EYA4: variants seen among roughly 807,000 people sequenced by gnomAD.
The protein encoded by EYA4 is EYA transcriptional coactivator and phosphatase 4, also known as protein phosphatase EYA4.
EYA4 carries 31 observed loss-of-function variants against 87.9 expected under a neutral mutation model. The observed-to-expected ratio is 0.35, with a 90% CI of 0.27 to 0.48. The LOEUF (loss-of-function observed/expected upper bound fraction) is 0.48, where lower values mean the gene tolerates loss of function less well. Among genes scored for constraint, EYA4 ranks in the 20% least tolerant of loss-of-function variants. The pLI is 0.99. For missense variants in EYA4, 678 were observed against 761.4 expected (o/e 0.89, Z 1.29); for synonymous variants, 263 against 270.6 (o/e 0.97, Z 0.28).
At chr6:133,281,952 A>AT (rs550586062) in intron 2 of EYA4, among the ~76,000 whole-genome samples, 14 of 151,414 alleles carry the variant, frequency 9.2e-5, no homozygotes, top group South Asian at 2.1e-4. Context: ...AGATGATTTC[A>AT]TTTTTTTTAT....
chr6:133,307,232 T>C (rs1391716450), intron 2 of EYA4, among the ~76,000 whole-genome samples: 1 of 152,216 alleles, frequency 6.6e-6, no homozygotes. Context: ...CCCTGAGGTT[T>C]TGAGTGTTTT....
At chr6:133,280,888 C>T (rs911371008) in intron 2 of EYA4, among the ~76,000 whole-genome samples, 1 of 152,172 alleles carries the variant, frequency 6.6e-6, no homozygotes, top group African/African-American at 2.4e-5. Context: ...GAGCACCCCT[C>T]AGCCCTAGAC....
At chr6:133,358,628 G>A (rs573354875) in intron 2 of EYA4, among the ~76,000 whole-genome samples, 1 of 152,142 alleles carries the variant, frequency 6.6e-6, no homozygotes, top group Admixed American at 6.5e-5. Flanking sequence ...AAAATGCACG[G>A]GTATTATTGC....
chr6:133,411,372 A>G (rs1789219071), intron 3 of EYA4, among the ~76,000 whole-genome samples: 1 of 152,194 alleles, frequency 6.6e-6, no homozygotes, highest in Admixed American at 6.5e-5. Flanking sequence ...TGAGAAAAGC[A>G]CATCAAAGGG....
chr6:133,433,296 A>G lies in EYA4; in HGVS notation c.84-13334A>G, dbSNP rs1373771162. On this transcript the variant is annotated intron_variant, in intron 3 of 19. Coordinates refer to ENST00000355286, the MANE Select transcript of EYA4 (RefSeq NM_004100.5). Reference sequence around the variant, plus strand: ...CATAGTCTTTTGTGACAGCAGTACCAGAAAGGAAGAGCAAAGACATGCATT... The same window carrying G: ...CATAGTCTTTTGTGACAGCAGTACCGGAAAGGAAGAGCAAAGACATGCATT... 3.9e-5 allele frequency among the ~76,000 whole-genome samples: 6 copies of G among 152,356 alleles called. No individual in the cohort carries two copies. In the South Asian group the frequency reaches 1.0e-3, roughly 26 times the overall value.
intron 1 of EYA4, among the ~76,000 whole-genome samples, chr6:133,258,781 A>C (rs1196530094): frequency 6.6e-6 from 1 of 152,084 alleles, no homozygotes; most frequent in Non-Finnish European, 1.5e-5. Flanking sequence ...GAACTTGTAG[A>C]TTCTACAAAG....
At chr6:133,406,311 C>T (rs971070083) in intron 3 of EYA4, among the ~76,000 whole-genome samples, 1 of 152,150 alleles carries the variant, frequency 6.6e-6, no homozygotes, top group African/African-American at 2.4e-5. Context: ...GAAATGACTA[C>T]TCATTGGCCA....
intron 2 of EYA4, among the ~76,000 whole-genome samples, chr6:133,317,850 C>T (rs1780745917): frequency 6.6e-6 from 1 of 151,602 alleles, no homozygotes; most frequent in African/African-American, 2.4e-5. Context: ...CCCATCCTCC[C>T]ATGCCCGCAT....
At chr6:133,409,744 A>C (rs1055635402) in intron 3 of EYA4, among the ~76,000 whole-genome samples, 1 of 152,208 alleles carries the variant, frequency 6.6e-6, no homozygotes, top group Non-Finnish European at 1.5e-5. Context: ...TGTACGATGA[A>C]TAACTCTAGA....
At chr6:133,260,164 GT>G (rs1775681079) in intron 1 of EYA4, among the ~76,000 whole-genome samples, 1 of 151,800 alleles carries the variant, frequency 6.6e-6, no homozygotes, top group African/African-American at 2.4e-5. Flanking sequence ...TTGCTCTGTA[GT>G]TTCACATTCT....
chr6:133,485,560 A>G (rs1000694068), intron 13 of EYA4, among the ~76,000 whole-genome samples: 1 of 152,258 alleles, frequency 6.6e-6, no homozygotes, highest in African/African-American at 2.4e-5. Context: ...TCTTTCTGCC[A>G]TAGCACATCG....
At chr6:133,366,694 A>G (rs888282595) in intron 2 of EYA4, among the ~76,000 whole-genome samples, 2 of 150,960 alleles carry the variant, frequency 1.3e-5, no homozygotes, top group Admixed American at 1.3e-4. Context: ...TGATTTGTTA[A>G]GTGTTTAACT....
At chr6:133,396,296 A>T (rs1179543103) in intron 3 of EYA4, among the ~76,000 whole-genome samples, 6 of 152,198 alleles carry the variant, frequency 3.9e-5, no homozygotes, top group Admixed American at 3.9e-4. Context: ...GTAATCCTAT[A>T]CTATTTATCT....
chr6:133,456,791 C>G (rs865962561), intron 6 of EYA4, 143 bp downstream of exon 6: 1 of 637,272 alleles, frequency 1.6e-6, no homozygotes, highest in Middle Eastern at 2.6e-4. Context: ...TTTTTGAGAA[C>G]TCATAGTCAT....
At chr6:133,299,924 T>G (rs933694139) in intron 2 of EYA4, among the ~76,000 whole-genome samples, 2 of 100,896 alleles carry the variant, frequency 2.0e-5, no homozygotes, top group Non-Finnish European at 3.8e-5. Context: ...TATATAAAGA[T>G]CTCTATCTAT....
intron 2 of EYA4, among the ~76,000 whole-genome samples, chr6:133,356,630 C>A (rs564582137): frequency 6.6e-6 from 1 of 151,794 alleles, no homozygotes; most frequent in South Asian, 2.1e-4. Flanking sequence ...ATGAAGCAAG[C>A]CTTATAATAA....
intron 3 of EYA4, among the ~76,000 whole-genome samples, chr6:133,420,500 C>T (rs1790126359): frequency 6.6e-6 from 1 of 152,208 alleles, no homozygotes; most frequent in South Asian, 2.1e-4. Context: ...TAAATAATGT[C>T]TCTCACCTGG....
intron 3 of EYA4, among the ~76,000 whole-genome samples, chr6:133,436,487 A>G (rs1791695143): frequency 6.6e-6 from 1 of 152,186 alleles, no homozygotes; most frequent in Admixed American, 6.5e-5. Context: ...ATACTCCACT[A>G]TTCTAGGAAT....
chr6:133,435,480 G>C (rs1041435029), intron 3 of EYA4: 1 of 152,470 alleles, frequency 6.6e-6, no homozygotes, highest in African/African-American at 2.4e-5. Context: ...GGGGAAATGG[G>C]TTGGTGAGGG....
Sources: gnomAD v4.1 joint callset for allele counts (sites outside exome capture counted in the v4.1 genomes callset) on GRCh38, gnomAD v4.1.1 for gene constraint, MANE v1.5 for transcripts, NCBI Gene and HGNC (gene_info 2026-07-23, HGNC 2026-07-21) for gene names.